The following APOLD1 variants were observed in gnomAD, a reference collection of about 807,000 sequenced individuals.
APOLD1 encodes apolipoprotein L domain containing 1.
Under a neutral mutation model 15.3 loss-of-function variants are expected in APOLD1, and 22 were observed. That is an observed-to-expected ratio of 1.44 (90% CI 1.03 to 2.05). APOLD1 has a LOEUF of 2.05. APOLD1 is among the 30% of genes most tolerant of loss of function. APOLD1 has a pLI of 0.00. For synonymous variants in APOLD1, 190 were observed against 167.4 expected (o/e 1.13, Z -1.04); for missense variants, 394 against 353.5 (o/e 1.11, Z -0.92).
intron 1 of APOLD1, among the ~76,000 whole-genome samples, chr12:12,745,086 G>A (rs1946755588): frequency 6.6e-6 from 1 of 152,142 alleles, no homozygotes; most frequent in African/African-American, 2.4e-5. Context: ...CTCCCTTCCT[G>A]TCTAAAAAAA....
At chr12:12,742,358 G>A (rs961216673) in intron 1 of APOLD1, among the ~76,000 whole-genome samples, 6 of 152,184 alleles carry the variant, frequency 3.9e-5, no homozygotes, top group South Asian at 2.1e-4. Flanking sequence ...AGAAAAGCAC[G>A]GAAGGCCCAA....
intron 1 of APOLD1, among the ~76,000 whole-genome samples, chr12:12,753,599 GTCGAGGTGGTAGC>G (rs1565430646): frequency 1.3e-5 from 2 of 151,996 alleles, no homozygotes; most frequent in Non-Finnish European, 2.9e-5. Flanking sequence ...AGCCCAGGAG[GTCGAGGTGGTAGC>G]AGTGAGCTGT....
At chr12:12,753,981 G>C (rs537902221) in intron 1 of APOLD1, among the ~76,000 whole-genome samples, 12 of 151,808 alleles carry the variant, frequency 7.9e-5, no homozygotes, top group Non-Finnish European at 1.3e-4. Context: ...TTGGAAGGCT[G>C]AGGTGGGCGG....
intron 1 of APOLD1, among the ~76,000 whole-genome samples, chr12:12,758,097 T>C (rs1189145878): frequency 7.5e-6 from 1 of 133,432 alleles, no homozygotes; most frequent in Non-Finnish European, 1.6e-5. Context: ...CCTGGCTTTT[T>C]TTCTTTTTTT....
chr12:12,739,257 T>C (rs1464292036), intron 1 of APOLD1, among the ~76,000 whole-genome samples: 1 of 152,224 alleles, frequency 6.6e-6, no homozygotes, highest in East Asian at 1.9e-4. Context: ...TATTTAAATA[T>C]GTGGTTATTG....
chr12:12,786,727 G>A, intron 1 of APOLD1, 182 bp from the exon 2 acceptor site: 1 of 985,428 alleles, frequency 1.0e-6, no homozygotes, highest in Non-Finnish European at 1.2e-6. Flanking sequence ...GCTCCCCCCG[G>A]ATTCCAGAAC....
intron 1 of APOLD1, chr12:12,764,629 G>C (rs768716190): frequency 3.5e-5 from 16 of 458,636 alleles, no homozygotes; most frequent in African/African-American, 2.1e-4. Flanking sequence ...CTAGGTGTGG[G>C]CTTTATTGGT....
At chr12:12,768,304 A>C (rs1372702608) in intron 1 of APOLD1, among the ~76,000 whole-genome samples, 1 of 145,484 alleles carries the variant, frequency 6.9e-6, no homozygotes, top group Non-Finnish European at 1.5e-5. Context: ...CAGGGTTTCC[A>C]TATTCCCTTT....
chr12:12,770,021 G>A (rs540221217), intron 1 of APOLD1, among the ~76,000 whole-genome samples: 1 of 152,302 alleles, frequency 6.6e-6, no homozygotes, highest in South Asian at 2.1e-4. Context: ...GACAAAGCAA[G>A]CATCAGAACC....
chr12:12,744,563 C>A (rs548855469), intron 1 of APOLD1, among the ~76,000 whole-genome samples: 16 of 152,238 alleles, frequency 1.1e-4, no homozygotes, highest in Non-Finnish European at 2.2e-4. Flanking sequence ...GAACAGAGAT[C>A]GCACCACTGC....
chr12:12,749,922 C>T (rs2136379047), intron 1 of APOLD1, among the ~76,000 whole-genome samples: 1 of 152,290 alleles, frequency 6.6e-6, no homozygotes, highest in South Asian at 2.1e-4. Context: ...TCAAGACCCT[C>T]TACTAGTAAC....
intron 1 of APOLD1, among the ~76,000 whole-genome samples, chr12:12,761,638 T>C: frequency 6.6e-6 from 1 of 151,840 alleles, no homozygotes. Context: ...CAGTTGAAAA[T>C]ATGATAAATG....
At chr12:12,768,228 A>G (rs1187990618) in intron 1 of APOLD1, among the ~76,000 whole-genome samples, 1 of 152,238 alleles carries the variant, frequency 6.6e-6, no homozygotes, top group Non-Finnish European at 1.5e-5. Context: ...CTAGATGTAA[A>G]AAATAGTTAC....
intron 1 of APOLD1, among the ~76,000 whole-genome samples, chr12:12,733,768 A>G (rs993830317): frequency 6.6e-6 from 1 of 152,034 alleles, no homozygotes; most frequent in African/African-American, 2.4e-5. Flanking sequence ...ACACCCAGCT[A>G]ATTTTTTGTA....
intron 1 of APOLD1, chr12:12,764,553 C>G (rs1946929701): frequency 3.6e-6 from 1 of 274,510 alleles, no homozygotes; most frequent in Non-Finnish European, 7.4e-6. Flanking sequence ...AGGGTGAAAA[C>G]AGATGGAGAA....
intron 1 of APOLD1, among the ~76,000 whole-genome samples, chr12:12,761,830 TAGAG>T (rs6144616): frequency 0.025 from 2,854 of 114,610 alleles, 122 homozygotes; most frequent in African/African-American, 0.063. Context: ...TGTATATGTA[TAGAG>T]AGAGAGAGAG....
chr12:12,754,222 A>G (rs1946838265), intron 1 of APOLD1, among the ~76,000 whole-genome samples: 2 of 150,484 alleles, frequency 1.3e-5, no homozygotes, highest in African/African-American at 2.4e-5. Context: ...AGGAAAAAGA[A>G]AAAAAGAAAA....
chr12:12,760,499 C>T (rs914620579), intron 1 of APOLD1, among the ~76,000 whole-genome samples: 7 of 151,468 alleles, frequency 4.6e-5, no homozygotes, highest in African/African-American at 1.7e-4. Context: ...ATTAGCCGGG[C>T]GTGGTTCTGG....
intron 1 of APOLD1, among the ~76,000 whole-genome samples, chr12:12,734,283 A>G (rs1330555558): frequency 1.3e-5 from 2 of 152,240 alleles, no homozygotes; most frequent in Non-Finnish European, 2.9e-5. Context: ...TGGCACACTC[A>G]GGGAATCCGC....
Sources: allele counts gnomAD v4.1 joint callset (sites outside exome capture counted in the v4.1 genomes callset), GRCh38; gene constraint gnomAD v4.1.1; transcripts MANE v1.5; gene names NCBI Gene and HGNC (gene_info 2026-07-23, HGNC 2026-07-21).